Variants in LTN1 observed in about 807,000 individuals in gnomAD.
LTN1 encodes the protein E3 ubiquitin-protein ligase listerin.
In LTN1, 88 loss-of-function variants were observed where a neutral mutation model predicts 201.2. The observed-to-expected ratio is 0.44, with a 90% CI of 0.37 to 0.52. The LOEUF (loss-of-function observed/expected upper bound fraction) is 0.52, where lower values mean the gene tolerates loss of function less well. Among genes scored for constraint, LTN1 ranks in the 20% least tolerant of loss-of-function variants. The pLI is 0.00. For missense variants in LTN1, 1,752 were observed against 2,038.7 expected (o/e 0.86, Z 2.71); for synonymous variants, 645 against 713.5 (o/e 0.90, Z 1.53).
At chr21:28,962,793 G>A (rs1410357456) in intron 11 of LTN1, among the ~76,000 whole-genome samples, 1 of 152,224 alleles carries the variant, frequency 6.6e-6, no homozygotes, top group African/African-American at 2.4e-5. Flanking sequence ...CAGCCAAGTT[G>A]TGAATGCAAA....
intron 24 of LTN1, among the ~76,000 whole-genome samples, chr21:28,942,122 T>C (rs1306912660): frequency 6.6e-6 from 1 of 152,200 alleles, no homozygotes; most frequent in Non-Finnish European, 1.5e-5. Context: ...TCTTCCCTTG[T>C]GGCTTCCTTC....
chr21:28,973,424 A>C (rs928271130), intron 6 of LTN1, among the ~76,000 whole-genome samples: 1 of 151,850 alleles, frequency 6.6e-6, no homozygotes, highest in Non-Finnish European at 1.5e-5. Flanking sequence ...ATATAGGCAA[A>C]TGTAAACAAA....
At chr21:28,990,700 C>A (rs534933416) in intron 1 of LTN1, among the ~76,000 whole-genome samples, 4 of 152,256 alleles carry the variant, frequency 2.6e-5, no homozygotes, top group Non-Finnish European at 5.9e-5. Context: ...GACTCATCAT[C>A]TATGAAGAAT....
At position 28,981,185 on chromosome 21, in the gene LTN1, C is replaced by T; in HGVS notation, c.744G>A (p.Glu248=). ...LLPDNELDSL[E]EKFKSLLSQN... Reference sequence around the variant, plus strand: ...GTGATAAAAGAGACTTAAATTTCTCCTCCAGAGAATCAAGCTCATTATCAG... The same window carrying T: ...GTGATAAAAGAGACTTAAATTTCTCTTCCAGAGAATCAAGCTCATTATCAG... Residue 248 remains glutamate, a synonymous_variant, in exon 6 of 30, where the codon GAG becomes GAA. Transcript: ENST00000361371. The T allele has an allele frequency of 6.3e-7, 1 of 1,598,986 alleles. No individual in the cohort carries two copies. Among genetic ancestry groups the T allele is most frequent in the South Asian group, 1.1e-5 (1 of 87,854 alleles).
At chr21:28,953,186 A>G in intron 17 of LTN1, 31 bp downstream of exon 17, 2 of 1,510,740 alleles carry the variant, frequency 1.3e-6, no homozygotes, top group Non-Finnish European at 1.8e-6. Context: ...TAGCATAGTC[A>G]TTTTAAAAAC....
intron 21 of LTN1, among the ~76,000 whole-genome samples, chr21:28,945,302 A>G (rs572959884): frequency 6.6e-6 from 1 of 152,316 alleles, no homozygotes; most frequent in South Asian, 2.1e-4. Context: ...TCACATAGCT[A>G]ATAGCAGGCA....
intron 4 of LTN1, among the ~76,000 whole-genome samples, chr21:28,984,157 T>A (rs1171788500): frequency 6.6e-6 from 1 of 152,122 alleles, no homozygotes; most frequent in Non-Finnish European, 1.5e-5. Flanking sequence ...CTAGTAAGTA[T>A]CACTCCCACA....
intron 6 of LTN1, among the ~76,000 whole-genome samples, chr21:28,977,200 C>G (rs556317057): frequency 6.6e-6 from 1 of 151,388 alleles, no homozygotes; most frequent in Non-Finnish European, 1.5e-5. Context: ...ACGGCAAAAC[C>G]CTGTCTCTAC....
chr21:28,944,823 C>T (rs1489806594), intron 21 of LTN1, among the ~76,000 whole-genome samples: 1 of 152,112 alleles, frequency 6.6e-6, no homozygotes, highest in Non-Finnish European at 1.5e-5. Flanking sequence ...TTCTCAAGTA[C>T]CCTTTTTAAT....
At chr21:28,979,108 G>A (rs1450321376) in intron 6 of LTN1, among the ~76,000 whole-genome samples, 1 of 152,262 alleles carries the variant, frequency 6.6e-6, no homozygotes, top group East Asian at 1.9e-4. Flanking sequence ...GCTGAATGCT[G>A]CCTAGTGATG....
At position 28,966,743 on chromosome 21, in the gene LTN1, G is replaced by A. The variant is rs747180533; in HGVS notation, c.1748C>T (p.Ser583Phe). The change falls in exon 10 of 30, where the codon TCT (serine) becomes TTT (phenylalanine). Residue 583 changes from serine (S) to phenylalanine (F), a missense_variant. This residue lies in a region of LTN1 where 1,211 missense variants were observed against 1,312.8 expected (regional missense o/e 0.92). Transcript: ENST00000361371. ...TTCCAAAGGTTTTTTCCTTAGAGGA[G>A]ACAAAAGGCCTGAAGAATTATGAGT... is the stretch of plus-strand genomic sequence containing the variant. ...SLTHNSSGLL[S>F]PLRKKPLEDL... 5.0e-6 allele frequency: 8 copies of A among 1,614,048 alleles called. No individual in the cohort carries two copies. In the South Asian group the frequency reaches 8.8e-5, roughly 18 times the overall value.
intron 1 of LTN1, among the ~76,000 whole-genome samples, chr21:28,987,217 C>T (rs1225835924): frequency 6.6e-6 from 1 of 151,958 alleles, no homozygotes; most frequent in East Asian, 1.9e-4. Flanking sequence ...ATATAATGGA[C>T]CATGACAGAA....
rs767765894 is a variant in LTN1, at chr21:28,970,288, T to TA, written c.1175+263dup. Among the ~76,000 whole-genome samples, 16 of 152,276 alleles carry TA rather than the reference T, an allele frequency of 1.1e-4. No homozygotes were observed. In the East Asian group the frequency reaches 1.9e-3, roughly 18 times the overall value. ...GCAATTGGTTAGCACATTCTGCTGT[T>TA]AAAAAAATGGCTAATTTGAAAAATA... is the stretch of plus-strand genomic sequence containing the variant. On this transcript the variant is annotated intron_variant, in intron 8 of 29. Coordinates refer to ENST00000361371, the MANE Select transcript of LTN1 (RefSeq NM_015565.3).
At chr21:28,944,911 G>GT (rs1186274303) in intron 21 of LTN1, among the ~76,000 whole-genome samples, 5 of 152,108 alleles carry the variant, frequency 3.3e-5, no homozygotes, top group African/African-American at 1.2e-4. Context: ...CCTACAAGTT[G>GT]TAAGTTATTA....
chr21:28,971,448 A>G lies in LTN1; in HGVS notation c.811-4T>C. Reference sequence around the variant, plus strand: ...ACTCAAAATAAGCTGAGCGAATCTAAAAGAATGCAAAGCTGAATTAAATTA... The same window carrying G: ...ACTCAAAATAAGCTGAGCGAATCTAGAAGAATGCAAAGCTGAATTAAATTA... On this transcript the variant is annotated splice_polypyrimidine_tract_variant and splice_region_variant and intron_variant, in intron 6 of 29. Coordinates refer to ENST00000361371, the MANE Select transcript of LTN1 (RefSeq NM_015565.3). 1 of 1,611,336 alleles carries G rather than the reference A, an allele frequency of 6.2e-7. No homozygotes were observed. Among genetic ancestry groups the G allele is most frequent in the Middle Eastern group, 1.7e-4 (1 of 6,048 alleles).
intron 18 of LTN1, among the ~76,000 whole-genome samples, chr21:28,949,728 T>C (rs1361690250): frequency 2.6e-5 from 4 of 152,328 alleles, no homozygotes; most frequent in Non-Finnish European, 5.9e-5. Flanking sequence ...ACACTTTTAT[T>C]TATCCATTTA....
chr21:28,947,665 A>G, intron 18 of LTN1, 59 bp from the exon 19 acceptor site: 1 of 1,091,868 alleles, frequency 9.2e-7, no homozygotes, highest in Non-Finnish European at 1.3e-6. Context: ...GTTATTTTAT[A>G]TATTTCTTTT....
chr21:28,988,170 C>G (rs1214011930), intron 1 of LTN1, among the ~76,000 whole-genome samples: 1 of 121,540 alleles, frequency 8.2e-6, no homozygotes, highest in South Asian at 2.6e-4. Context: ...CAAAAAAAAA[C>G]AAATTGCTCA....
Position 28,960,491 on chromosome 21 carries a change from G to C in LTN1, c.2353+26C>G, listed in dbSNP as rs753959452. 25 of 1,577,316 alleles carry C rather than the reference G, an allele frequency of 1.6e-5. No individual in the cohort carries two copies. The East Asian group carries it at 5.6e-4, about 35-fold the overall frequency. ...AGGAGAAATGGACTATTCCCCATTA[G>C]AAAACAAAAGCCATATTTGTCCTAC... is the stretch of plus-strand genomic sequence containing the variant. On this transcript the variant is annotated intron_variant, in intron 12 of 29. Transcript: ENST00000361371.
Sources: gnomAD v4.1 joint callset for allele counts (sites outside exome capture counted in the v4.1 genomes callset) on GRCh38, gnomAD v4.1.1 for gene constraint, gnomAD v4.1.1 regional missense constraint, MANE v1.5 for transcripts, NCBI Gene and HGNC (gene_info 2026-07-23, HGNC 2026-07-21) for gene names.